The following SAP130 variants were observed in gnomAD, a reference collection of about 807,000 sequenced individuals.
SAP130 encodes the protein histone deacetylase complex subunit SAP130.
In SAP130, 16 loss-of-function variants were observed where a neutral mutation model predicts 103.2. The ratio of observed to expected loss-of-function variants is 0.16; its 90% CI spans 0.10 to 0.24. The LOEUF is 0.24. Ranked by LOEUF, SAP130 falls within the 10% of genes least tolerant of loss-of-function variation. The pLI, the probability that SAP130 is intolerant of heterozygous loss-of-function variation, is 1.00. For missense variants in SAP130, 990 were observed against 1,359.7 expected, an observed-to-expected ratio of 0.73 and a Z score of 4.28; for synonymous variants, 477 against 497.0, an observed-to-expected ratio of 0.96 and a Z score of 0.53.
At chr2:128,004,917 C>T (rs1227716197) in intron 7 of SAP130, among the ~76,000 whole-genome samples, 2 of 152,052 alleles carry the variant, frequency 1.3e-5, no homozygotes, top group African/African-American at 4.8e-5. Context: ...AAATGGGGAT[C>T]CAGAATAAAG....
chr2:128,021,338 T>C (rs780107641), intron 2 of SAP130, among the ~76,000 whole-genome samples: 27 of 151,796 alleles, frequency 1.8e-4, no homozygotes, highest in South Asian at 1.2e-3. Flanking sequence ...TCCCAGCTAC[T>C]TGGGAGGCCG....
chr2:128,018,360 T>C (rs1224055279), intron 2 of SAP130, among the ~76,000 whole-genome samples: 14 of 149,116 alleles, frequency 9.4e-5, no homozygotes, highest in Non-Finnish European at 1.8e-4. Flanking sequence ...CCACGTTTTT[T>C]TGTAATCCCA....
chr2:128,006,387 C>G (rs1272271953), intron 7 of SAP130, among the ~76,000 whole-genome samples: 1 of 152,186 alleles, frequency 6.6e-6, no homozygotes, highest in Non-Finnish European at 1.5e-5. Context: ...TAAGATATGA[C>G]TTACATTTTT....
At chr2:127,950,482 ACAAAGAT>A in intron 16 of SAP130, 74 bp from the exon 17 acceptor site, 1 of 1,547,802 alleles carries the variant, frequency 6.5e-7, no homozygotes, top group Non-Finnish European at 8.8e-7. Context: ...CTTCCTTCCA[ACAAAGAT>A]GATTAAGAAG....
At chr2:127,993,142 C>T (rs756159056) in intron 12 of SAP130, 45 bp downstream of exon 12, 77 of 1,606,030 alleles carry the variant, frequency 4.8e-5, no homozygotes, top group Non-Finnish European at 6.2e-5. Context: ...TTATTGTTGG[C>T]AAAAGTTAAA....
chr2:127,977,914 A>T lies in SAP130; in HGVS notation c.2063+71T>A, dbSNP rs369530323. 3.1e-4 allele frequency: 349 copies of T among 1,134,146 alleles called. 2 individuals are homozygous for T. In the East Asian group the frequency reaches 4.8e-3, roughly 16 times the overall value. 70.3% of individuals were successfully genotyped at this position (1,134,146 alleles called of 1,614,324 possible). A position where few individuals can be genotyped will look rare whatever the true frequency, so the allele number is the denominator to read the frequency against. ...CCTAACAAGACTATGTCATGCAGGA[A>T]TATTAGACTCTCCCCAACTGCAACG... On this transcript the variant is annotated intron_variant, in intron 15 of 20. Coordinates refer to ENST00000643581, the MANE Select transcript of SAP130 (RefSeq NM_001330301.2).
Position 127,996,271 on chromosome 2 carries a change from G to A in SAP130, c.1355+79C>T, listed in dbSNP as rs570972294. 1.6e-5 allele frequency: 21 copies of A among 1,286,954 alleles called. 1 individual carries two copies. In the African/African-American group the frequency reaches 3.0e-4, roughly 19 times the overall value. The allele number at this position is 1,286,954 out of a possible 1,614,324, so 79.7% of individuals were successfully genotyped here. A position where few individuals can be genotyped will look rare whatever the true frequency, so the allele number is the denominator to read the frequency against. ...AGTAATAAATATAGGCCATATTTGT[G>A]GGACACTTTGTTTTATGCTGATAAA... On this transcript the variant is annotated intron_variant, in intron 11 of 20. Transcript: ENST00000643581. The surrounding 1 kb of genome is among the most constrained non-coding windows in gnomAD (Gnocchi z 4.3).
At chr2:127,956,124 A>G (rs1185645114) in intron 15 of SAP130, among the ~76,000 whole-genome samples, 2 of 152,098 alleles carry the variant, frequency 1.3e-5, no homozygotes, top group Non-Finnish European at 2.9e-5. Flanking sequence ...CTAATCAACC[A>G]TTCCTGTATA....
chr2:127,963,162 C>T (rs1680379156), intron 15 of SAP130, among the ~76,000 whole-genome samples: 1 of 152,118 alleles, frequency 6.6e-6, no homozygotes, highest in African/African-American at 2.4e-5. Flanking sequence ...ATTTGTCTTC[C>T]ACTTTGCTTA....
chr2:128,010,612 C>A (rs549734992), intron 6 of SAP130, among the ~76,000 whole-genome samples: 5 of 152,234 alleles, frequency 3.3e-5, no homozygotes, highest in Non-Finnish European at 7.4e-5. Context: ...TAATTCCCAG[C>A]ACTTTGGGAG....
chr2:127,991,876 C>T (rs1248666301), intron 12 of SAP130, among the ~76,000 whole-genome samples: 1 of 152,232 alleles, frequency 6.6e-6, no homozygotes, highest in African/African-American at 2.4e-5. Context: ...TAATCTACTT[C>T]AAGTGCTCTG....
Position 128,015,868 on chromosome 2 carries a change from G to T in SAP130, c.507+521C>A, listed in dbSNP as rs374672314. Among the ~76,000 whole-genome samples the T allele has an allele frequency of 3.1e-4, 47 of 151,246 alleles. 1 individual carries two copies. The South Asian group carries it at 6.5e-3, about 21-fold the overall frequency. Reference sequence around the variant, plus strand: ...AGGCAAGAGAATGGCTCGAACACGGGACGTGGACGTTGCTGTGAGCCAAGA... The same window carrying T: ...AGGCAAGAGAATGGCTCGAACACGGTACGTGGACGTTGCTGTGAGCCAAGA... On this transcript the variant is annotated intron_variant, in intron 4 of 20. Coordinates refer to ENST00000643581, the MANE Select transcript of SAP130 (RefSeq NM_001330301.2).
chr2:127,963,641 A>T (rs1374762506), intron 15 of SAP130, among the ~76,000 whole-genome samples: 1 of 152,182 alleles, frequency 6.6e-6, no homozygotes, highest in Non-Finnish European at 1.5e-5. Context: ...AGCTCCCATG[A>T]TTCCTATGTG....
chr2:128,011,511 G>A (rs1301612128), intron 6 of SAP130, among the ~76,000 whole-genome samples: 5 of 152,114 alleles, frequency 3.3e-5, no homozygotes, highest in Admixed American at 3.3e-4. Context: ...GTGCAGGTGC[G>A]TGTCTCACAC....
At chr2:127,963,951 G>A (rs1048295225) in intron 15 of SAP130, among the ~76,000 whole-genome samples, 1 of 152,170 alleles carries the variant, frequency 6.6e-6, no homozygotes, top group South Asian at 2.1e-4. Flanking sequence ...TTTTTTATGG[G>A]TTATCTTGAT....
At chr2:127,947,642 CCT>C (rs1679175046) in intron 18 of SAP130, among the ~76,000 whole-genome samples, 1 of 152,072 alleles carries the variant, frequency 6.6e-6, no homozygotes, top group South Asian at 2.1e-4. Context: ...ATGTAATATC[CCT>C]CTGTGTCTCT....
chr2:128,026,448 T>C (rs1254487023), intron 1 of SAP130, 150 bp from the exon 2 acceptor site: 5 of 600,954 alleles, frequency 8.3e-6, no homozygotes, highest in Non-Finnish European at 1.5e-5. Context: ...GGGATCAATA[T>C]AAATGCAGAC....
chr2:127,990,693 C>A (rs140930383), intron 12 of SAP130, among the ~76,000 whole-genome samples: 1 of 152,112 alleles, frequency 6.6e-6, no homozygotes, highest in Non-Finnish European at 1.5e-5. Flanking sequence ...ATGATCCCAA[C>A]GCTTTGGGAG....
intron 7 of SAP130, among the ~76,000 whole-genome samples, chr2:128,008,405 GC>G (rs1020701027): frequency 6.6e-6 from 1 of 151,664 alleles, no homozygotes; most frequent in Non-Finnish European, 1.5e-5. Context: ...TCGCTCTGTT[GC>G]CCAGACTAGA....
Sources: allele counts gnomAD v4.1 joint callset (sites outside exome capture counted in the v4.1 genomes callset), GRCh38; gene constraint gnomAD v4.1.1; non-coding constraint Gnocchi (gnomAD v3.1); transcripts MANE v1.5; gene names NCBI Gene and HGNC (gene_info 2026-07-23, HGNC 2026-07-21).